Variants in STARD13 observed in about 807,000 individuals in gnomAD.
STARD13 encodes stAR-related lipid transfer protein 13.
In STARD13, 62 loss-of-function variants were observed where a neutral mutation model predicts 106.4. The observed-to-expected ratio is 0.58, with a 90% CI of 0.48 to 0.72. STARD13 has a LOEUF of 0.72. STARD13 is among the 30% of genes least tolerant of loss of function. The probability of loss-of-function intolerance (pLI) is 0.00; values close to 1 mark genes in which losing one functional copy is unlikely to be tolerated. For synonymous variants in STARD13, 565 were observed against 553.0 expected (o/e 1.02, Z -0.31); for missense variants, 1,387 against 1,424.0 (o/e 0.97, Z 0.42).
chr13:33,225,322 T>G (rs1233486111), intron 1 of STARD13, among the ~76,000 whole-genome samples: 1 of 152,224 alleles, frequency 6.6e-6, no homozygotes, highest in African/African-American at 2.4e-5. Context: ...ACTGGTTTTT[T>G]ACAGTTATTT....
the STARD13 span, among the ~76,000 whole-genome samples, chr13:33,661,850 G>C: frequency 1.3e-5 from 2 of 151,194 alleles, no homozygotes. Context: ...GTGTATCTAC[G>C]TATGGGAGGG....
the STARD13 span, among the ~76,000 whole-genome samples, chr13:33,624,368 T>C: frequency 5.9e-5 from 9 of 152,274 alleles, no homozygotes; most frequent in African/African-American, 1.9e-4. Flanking sequence ...TGGACACTTG[T>C]GGGCCCCGCT....
At chr13:33,128,830 C>T (rs972805088) in intron 5 of STARD13, 99 bp downstream of exon 5, 11 of 1,225,982 alleles carry the variant, frequency 9.0e-6, no homozygotes, top group Non-Finnish European at 1.3e-5. Flanking sequence ...CAGAGTCAGG[C>T]ATTTAGTAAG....
chr13:33,299,384 T>C (rs1892624821), intron 1 of STARD13, among the ~76,000 whole-genome samples: 1 of 152,204 alleles, frequency 6.6e-6, no homozygotes, highest in African/African-American at 2.4e-5. Flanking sequence ...TAAAGCAGTC[T>C]AAACACTTTT....
upstream of STARD13, among the ~76,000 whole-genome samples, chr13:33,287,670 T>C (rs1048413007): frequency 6.6e-6 from 1 of 152,214 alleles, no homozygotes; most frequent in African/African-American, 2.4e-5. Flanking sequence ...CCCAGCTCAG[T>C]CCGCACCGGT....
At chr13:33,628,148 A>AACACACACACACACACAC in the STARD13 span, among the ~76,000 whole-genome samples, 1 of 133,398 alleles carries the variant, frequency 7.5e-6, no homozygotes, top group East Asian at 2.2e-4. Context: ...TCTCTTGTAA[A>AACACACACACACACACAC]ACACACACAC....
At position 33,150,903 on chromosome 13, in the gene STARD13, A is replaced by C. The variant is rs192427127; in HGVS notation, c.324-8530T>G. ...AGAAGCCAAGATTCGTTCATCCGAC[A>C]GTGCGCTGTGTACCAGGAATAAGTT... On this transcript the variant is annotated intron_variant, in intron 3 of 13. Transcript: ENST00000336934. Among the ~76,000 whole-genome samples, 524 of 152,358 alleles carry C rather than the reference A, an allele frequency of 3.4e-3. 5 individuals are homozygous for C. The highest frequency in any genetic ancestry group is 5.1e-3 in the Non-Finnish European group (345 of 68,032).
At chr13:33,340,502 C>G (rs78734091) in intron 1 of STARD13, among the ~76,000 whole-genome samples, 2,023 of 152,254 alleles carry the variant, frequency 0.013, 32 homozygotes, top group Non-Finnish European at 0.018. Context: ...AAGCATAAGA[C>G]CTTCCAGTTT....
At chr13:33,412,120 G>A in the STARD13 span, among the ~76,000 whole-genome samples, 2 of 152,182 alleles carry the variant, frequency 1.3e-5, no homozygotes, top group African/African-American at 4.8e-5. Flanking sequence ...ACTGTCTGAT[G>A]TGGTTCTAAA....
chr13:33,354,386 T>C (rs950964928), upstream of STARD13, among the ~76,000 whole-genome samples: 1 of 152,204 alleles, frequency 6.6e-6, no homozygotes, highest in Non-Finnish European at 1.5e-5. Context: ...CCTTAATCCT[T>C]CTACAAATCC....
At chr13:33,136,900 C>G (rs1879137284) in intron 4 of STARD13, among the ~76,000 whole-genome samples, 1 of 152,326 alleles carries the variant, frequency 6.6e-6, no homozygotes, top group East Asian at 1.9e-4. Context: ...CGCCAAGAAG[C>G]AGCAGCAGGG....
chr13:33,669,210 C>T, the STARD13 span, among the ~76,000 whole-genome samples: 3 of 152,132 alleles, frequency 2.0e-5, no homozygotes, highest in Admixed American at 1.3e-4. Flanking sequence ...TCCGCAGAAG[C>T]AGATGGGTGT....
intron 1 of STARD13, among the ~76,000 whole-genome samples, chr13:33,223,762 C>G (rs540940897): frequency 6.6e-6 from 1 of 152,078 alleles, no homozygotes; most frequent in South Asian, 2.1e-4. Flanking sequence ...TAAGTATGCC[C>G]TGAGCAATTT....
At chr13:33,111,991 A>C in intron 9 of STARD13, 99 bp from the exon 10 acceptor site, 1 of 707,408 alleles carries the variant, frequency 1.4e-6, no homozygotes, top group East Asian at 2.7e-5. Context: ...CCCAGATGCT[A>C]TCCAGATCCC....
At chr13:33,151,521 A>G (rs982245175) in intron 3 of STARD13, among the ~76,000 whole-genome samples, 1 of 152,212 alleles carries the variant, frequency 6.6e-6, no homozygotes, top group Admixed American at 6.5e-5. Context: ...ATCTGCCTCC[A>G]TGAGCCAACA....
the STARD13 span, among the ~76,000 whole-genome samples, chr13:33,462,347 C>T: frequency 6.6e-6 from 1 of 152,204 alleles, no homozygotes; most frequent in Non-Finnish European, 1.5e-5. Flanking sequence ...CTTTACAGAT[C>T]ATATACCACA....
chr13:33,639,978 A>G, the STARD13 span, among the ~76,000 whole-genome samples: 19 of 152,336 alleles, frequency 1.2e-4, no homozygotes, highest in Non-Finnish European at 2.2e-4. Context: ...CATTGGGTAG[A>G]GCAATGGGTG....
chr13:33,509,083 A>G, the STARD13 span, among the ~76,000 whole-genome samples: 2 of 152,228 alleles, frequency 1.3e-5, no homozygotes, highest in Non-Finnish European at 2.9e-5. Flanking sequence ...TCTGTTGTTG[A>G]CTAAAACATC....
At chr13:33,476,586 T>G in the STARD13 span, among the ~76,000 whole-genome samples, 2 of 152,230 alleles carry the variant, frequency 1.3e-5, no homozygotes, top group Non-Finnish European at 2.9e-5. Context: ...ATTAATTGTC[T>G]TGCTTTGATA....
Sources: allele counts gnomAD v4.1 joint callset (sites outside exome capture counted in the v4.1 genomes callset), GRCh38; gene constraint gnomAD v4.1.1; transcripts MANE v1.5; gene names NCBI Gene and HGNC (gene_info 2026-07-23, HGNC 2026-07-21).